The following PYROXD2 variants were observed in gnomAD, a reference collection of about 807,000 sequenced individuals.
PYROXD2 encodes pyridine nucleotide-disulfide oxidoreductase domain-containing protein 2.
Under a neutral mutation model 71.1 loss-of-function variants are expected in PYROXD2, and 69 were observed. That is an observed-to-expected ratio of 0.97 (90% CI 0.80 to 1.19). The LOEUF is 1.19. PYROXD2 is among the 50% of genes most tolerant of loss of function. PYROXD2 has a pLI of 0.00. For missense variants in PYROXD2, 745 were observed against 748.9 expected, an observed-to-expected ratio of 0.99 and a Z score of 0.06; for synonymous variants, 287 against 302.7, an observed-to-expected ratio of 0.95 and a Z score of 0.54.
In PYROXD2 at chr10:98,385,045, G is replaced by A. The variant is rs1277192096; in HGVS notation, c.1577C>T (p.Ser526Phe). Residue 526 changes from serine to phenylalanine, a missense_variant, in exon 15 of 16, where the codon TCC (serine) becomes TTC (phenylalanine). Transcript: ENST00000370575. Reference protein sequence around the residue: ...PGGNIFHCAMSLDQLYFARPV... With the variant: ...PGGNIFHCAMFLDQLYFARPV... ...GCGGGCGAAGTAGAGCTGGTCCAGG[G>A]ACATGGCGCAGTGGAATATGTTCTG... is the stretch of plus-strand genomic sequence containing the variant. The A allele has an allele frequency of 6.2e-7, 1 of 1,613,928 alleles. No homozygotes were observed. The highest frequency in any genetic ancestry group is 8.5e-7 in the Non-Finnish European group (1 of 1,179,920).
intron 15 of PYROXD2, 77 bp from the exon 16 acceptor site, chr10:98,383,945 G>T: frequency 7.6e-7 from 1 of 1,317,852 alleles, no homozygotes; most frequent in Non-Finnish European, 1.1e-6. Context: ...GGCTTACAGA[G>T]ATCCAGCAAC....
Position 98,395,182 on chromosome 10 carries a change from C to A in PYROXD2, c.785+14G>T, listed in dbSNP as rs536347885. ...TGCCCCACTCCTGTGTCCCACCTCA[C>A]CCCCCTCACTCACCCACTCCCCGGA... On this transcript the variant is annotated intron_variant, in intron 8 of 15. Transcript: ENST00000370575. 5.6e-6 allele frequency: 9 copies of A among 1,606,204 alleles called. No individual in the cohort carries two copies. The highest frequency in any genetic ancestry group is 4.4e-5 in the South Asian group (4 of 90,904).
chr10:98,411,001 C>T (rs371128123), intron 1 of PYROXD2, 43 bp from the exon 2 acceptor site: 38 of 1,554,626 alleles, frequency 2.4e-5, no homozygotes, highest in East Asian at 1.2e-4. Context: ...CACTGGTCAG[C>T]GGGCGGGCAG....
At chr10:98,407,436 C>A in intron 4 of PYROXD2, 146 bp downstream of exon 4, 1 of 896,870 alleles carries the variant, frequency 1.1e-6, no homozygotes. Context: ...GCAGGGAGAC[C>A]ACGTGGGATA....
intron 4 of PYROXD2, among the ~76,000 whole-genome samples, chr10:98,405,170 C>T (rs1244903673): frequency 2.6e-5 from 4 of 152,154 alleles, no homozygotes; most frequent in African/African-American, 9.7e-5. Context: ...AGCGCAGGGC[C>T]GCTGCAAAAG....
chr10:98,389,573 G>A (rs548081037), intron 12 of PYROXD2, among the ~76,000 whole-genome samples: 88 of 151,934 alleles, frequency 5.8e-4, no homozygotes, highest in Non-Finnish European at 1.0e-3. Context: ...CTCTGGCCTC[G>A]TCCCTGTGCC....
chr10:98,394,043 A>G (rs1252825291), intron 8 of PYROXD2, among the ~76,000 whole-genome samples: 3 of 151,730 alleles, frequency 2.0e-5, no homozygotes, highest in Non-Finnish European at 4.4e-5. Context: ...GGCTTCTCTG[A>G]CCCTAGACCA....
At chr10:98,397,560 A>C (rs1843233879) in intron 5 of PYROXD2, 62 bp from the exon 6 acceptor site, 2 of 1,472,226 alleles carry the variant, frequency 1.4e-6, no homozygotes, top group African/African-American at 1.5e-5. Flanking sequence ...TGCTGTCCCC[A>C]GATGGCCTGT....
At chr10:98,403,101 C>T (rs1291070265) in intron 4 of PYROXD2, among the ~76,000 whole-genome samples, 2 of 152,220 alleles carry the variant, frequency 1.3e-5, no homozygotes, top group African/African-American at 4.8e-5. Context: ...GCTCTGGACA[C>T]TCTGTGGAGG....
At chr10:98,388,529 C>A in intron 12 of PYROXD2, 21 bp from the exon 13 acceptor site, 1 of 1,560,162 alleles carries the variant, frequency 6.4e-7, no homozygotes, top group Non-Finnish European at 8.7e-7. Flanking sequence ...AGGGAGGAGA[C>A]GGCAGGTCTA....
chr10:98,396,818 C>T (rs1843201554), intron 6 of PYROXD2, among the ~76,000 whole-genome samples: 1 of 152,200 alleles, frequency 6.6e-6, no homozygotes, highest in African/African-American at 2.4e-5. Flanking sequence ...GCAGGGCACT[C>T]ATGGGAACCT....
chr10:98,410,608 C>A, intron 2 of PYROXD2: 1 of 352,968 alleles, frequency 2.8e-6, no homozygotes, highest in Non-Finnish European at 5.1e-6. Flanking sequence ...TCCCCTGGTT[C>A]CCACCTGCTC....
chr10:98,404,712 G>A (rs770840804), intron 4 of PYROXD2, among the ~76,000 whole-genome samples: 5 of 151,546 alleles, frequency 3.3e-5, no homozygotes, highest in Non-Finnish European at 7.4e-5. Context: ...AAGGACCAGA[G>A]ATACAAGAGA....
Position 98,388,457 on chromosome 10 carries a change from G to A in PYROXD2, c.1344C>T (p.Pro448=). 1 of 1,612,956 alleles carries A rather than the reference G, an allele frequency of 6.2e-7. No homozygotes were observed. Among genetic ancestry groups the A allele is most frequent in the Non-Finnish European group, 8.5e-7 (1 of 1,179,712 alleles). The stretch of plus-strand genomic sequence containing the variant: ...AGAGGGAGACTACATGGCAGCCAGG[G>A]GGAGCCAGGGTGGGGTCCAGCGAGG... ...IPSSLDPTLA[P]PGCHVVSLFT... The change falls in exon 13 of 16, where the codon CCC becomes CCT. Residue 448 remains proline (P), a synonymous_variant. Transcript: ENST00000370575.
At chr10:98,388,563 G>A (rs111230584) in intron 12 of PYROXD2, 55 bp from the exon 13 acceptor site, 2 of 1,459,202 alleles carry the variant, frequency 1.4e-6, no homozygotes, top group African/African-American at 2.9e-5. Flanking sequence ...CGGAGGGTAG[G>A]GCATCCGAGA....
chr10:98,414,324 A>T (rs1843897746), intron 1 of PYROXD2: 1 of 152,178 alleles, frequency 6.6e-6, no homozygotes, highest in Non-Finnish European at 1.5e-5. Context: ...GGCACTAAGG[A>T]AAGACCACCT....
chr10:98,397,669 T>C (rs573421173), intron 5 of PYROXD2, among the ~76,000 whole-genome samples, 171 bp from the exon 6 acceptor site: 2 of 152,096 alleles, frequency 1.3e-5, no homozygotes, highest in East Asian at 1.9e-4. Context: ...TGGGTTAACA[T>C]CAACACCAGG....
chr10:98,388,582 G>A (rs1005008830), intron 12 of PYROXD2, 74 bp from the exon 13 acceptor site: 1 of 1,411,444 alleles, frequency 7.1e-7, no homozygotes, highest in Non-Finnish European at 9.3e-7. Flanking sequence ...GATGACTTGG[G>A]ACACAGTGGA....
chr10:98,409,330 C>T (rs1019216456), intron 2 of PYROXD2, among the ~76,000 whole-genome samples: 3 of 152,204 alleles, frequency 2.0e-5, no homozygotes, highest in Non-Finnish European at 2.9e-5. Context: ...TCTTGAGCTG[C>T]CCAGTTGCAG....
Sources: allele counts gnomAD v4.1 joint callset (sites outside exome capture counted in the v4.1 genomes callset), GRCh38; gene constraint gnomAD v4.1.1; transcripts MANE v1.5; gene names NCBI Gene and HGNC (gene_info 2026-07-23, HGNC 2026-07-21).